Variants in DLG2 observed in about 807,000 individuals in gnomAD.
The protein encoded by DLG2 is disks large homolog 2.
DLG2 carries 45 observed loss-of-function variants against 132.5 expected under a neutral mutation model. That is an observed-to-expected ratio of 0.34 (90% CI 0.27 to 0.44). DLG2 has a LOEUF of 0.44. Ranked by LOEUF, DLG2 falls within the 20% of genes least tolerant of loss-of-function variation. The pLI is 1.00. For synonymous variants in DLG2, 424 were observed against 419.6 expected, an observed-to-expected ratio of 1.01 and a Z score of -0.13; for missense variants, 1,045 against 1,196.9, an observed-to-expected ratio of 0.87 and a Z score of 1.87.
intron 6 of DLG2, among the ~76,000 whole-genome samples, chr11:84,653,079 G>A (rs61899029): frequency 0.15 from 23,366 of 151,816 alleles, 2,334 homozygotes; most frequent in African/African-American, 0.28. Context: ...ACAGGCATGC[G>A]TCATCACGCC....
At chr11:84,358,741 T>TACC (rs2098632673) in intron 7 of DLG2, among the ~76,000 whole-genome samples, 1 of 151,978 alleles carries the variant, frequency 6.6e-6, no homozygotes, top group African/African-American at 2.4e-5. Flanking sequence ...CTGAATGACT[T>TACC]ATGTGTAATA....
intron 6 of DLG2, among the ~76,000 whole-genome samples, chr11:84,891,601 A>C (rs2089405247): frequency 6.6e-6 from 1 of 152,172 alleles, no homozygotes; most frequent in African/African-American, 2.4e-5. Flanking sequence ...AAAATAACAA[A>C]CCTTAAAAAT....
chr11:84,409,508 T>C (rs1418194587), intron 7 of DLG2, among the ~76,000 whole-genome samples: 2 of 152,198 alleles, frequency 1.3e-5, no homozygotes, highest in African/African-American at 4.8e-5. Context: ...ACATACAACA[T>C]GTTGCACACA....
rs990335068 is a variant in DLG2 at position 84,802,213 on chromosome 11, T to A, written c.358-267482A>T. 4.6e-5 allele frequency among the ~76,000 whole-genome samples: 7 copies of A among 151,942 alleles called. No homozygotes were observed. In the South Asian group the frequency reaches 8.3e-4, roughly 18 times the overall value. Reference sequence around the variant, plus strand: ...AATTGTGCAATTTAACTGCATAATCTCTCTGTGTCCATAGGGTCCTCAAAG... The same window carrying A: ...AATTGTGCAATTTAACTGCATAATCACTCTGTGTCCATAGGGTCCTCAAAG... On this transcript the variant is annotated intron_variant, in intron 6 of 27. Transcript: ENST00000376104.
chr11:84,488,197 G>T (rs574224302), intron 7 of DLG2, among the ~76,000 whole-genome samples: 19 of 152,200 alleles, frequency 1.2e-4, no homozygotes, highest in Middle Eastern at 3.4e-3. Flanking sequence ...AAAACAACCT[G>T]TTGAAAGTCA....
chr11:85,362,475 T>A (rs1250942366), intron 3 of DLG2, among the ~76,000 whole-genome samples: 1 of 152,174 alleles, frequency 6.6e-6, no homozygotes, highest in African/African-American at 2.4e-5. Context: ...ATCCTGCAGC[T>A]TTACTGTATT....
intron 7 of DLG2, among the ~76,000 whole-genome samples, chr11:84,402,476 G>A (rs1009487153): frequency 1.3e-5 from 2 of 151,862 alleles, no homozygotes; most frequent in South Asian, 2.1e-4. Context: ...TGCTCTTTGT[G>A]GTACAAATCC....
At position 83,908,712 on chromosome 11, in the gene DLG2, G is replaced by A. The variant is rs76057100; in HGVS notation, c.1496+21616C>T. On this transcript the variant is annotated intron_variant, in intron 15 of 27. Transcript: ENST00000376104. Reference sequence around the variant, plus strand: ...CACATGACTGTTAGAGTAGGCCACTGGCCAAAGGAAGGGACTCAATATGCA... The same window carrying A: ...CACATGACTGTTAGAGTAGGCCACTAGCCAAAGGAAGGGACTCAATATGCA... 5.7e-3 allele frequency among the ~76,000 whole-genome samples: 871 copies of A among 152,036 alleles called. 7 individuals are homozygous for A. Among genetic ancestry groups the A allele is most frequent in the African/African-American group, 0.02 (825 of 41,492 alleles).
At chr11:83,650,060 C>T (rs972178398) in intron 18 of DLG2, among the ~76,000 whole-genome samples, 1 of 152,190 alleles carries the variant, frequency 6.6e-6, no homozygotes, top group Non-Finnish European at 1.5e-5. Flanking sequence ...TAAATTAGCA[C>T]AGACATTCTA....
intron 6 of DLG2, among the ~76,000 whole-genome samples, chr11:84,889,053 A>G (rs1318671992): frequency 6.6e-6 from 1 of 152,188 alleles, no homozygotes; most frequent in East Asian, 1.9e-4. Context: ...AGGCCTCAAT[A>G]ATCTCAATTC....
At chr11:83,860,536 T>C (rs2061290829) in intron 16 of DLG2, among the ~76,000 whole-genome samples, 1 of 152,220 alleles carries the variant, frequency 6.6e-6, no homozygotes, top group African/African-American at 2.4e-5. Context: ...CCAAAGCCAG[T>C]ACCCCCACTG....
At chr11:83,849,339 TAAAC>T (rs928306719) in intron 16 of DLG2, among the ~76,000 whole-genome samples, 9 of 148,524 alleles carry the variant, frequency 6.1e-5, no homozygotes, top group Admixed American at 2.0e-4. Context: ...TAATAAATAA[TAAAC>T]AAATAAAAAA....
chr11:83,651,395 G>T (rs1591732544), intron 18 of DLG2, among the ~76,000 whole-genome samples: 1 of 152,184 alleles, frequency 6.6e-6, no homozygotes, highest in Admixed American at 6.5e-5. Context: ...GTACAAAGTA[G>T]GGGTCTAGCT....
chr11:84,375,296 CAT>C (rs1263360945), intron 7 of DLG2, among the ~76,000 whole-genome samples: 2 of 152,090 alleles, frequency 1.3e-5, no homozygotes, highest in Admixed American at 6.6e-5. Context: ...TGATACAAGA[CAT>C]ATGATTTCTG....
chr11:84,647,177 T>C (rs557721850), intron 6 of DLG2, among the ~76,000 whole-genome samples: 1 of 152,220 alleles, frequency 6.6e-6, no homozygotes, highest in African/African-American at 2.4e-5. Flanking sequence ...AAGAAAAACT[T>C]CATATAGGAG....
chr11:85,197,982 C>A (rs1378775190), intron 4 of DLG2, among the ~76,000 whole-genome samples: 1 of 152,074 alleles, frequency 6.6e-6, no homozygotes, highest in African/African-American at 2.4e-5. Context: ...TATTCTAATG[C>A]CATGTAACAA....
intron 7 of DLG2, among the ~76,000 whole-genome samples, chr11:84,490,253 C>T (rs925707511): frequency 9.2e-5 from 14 of 152,024 alleles, no homozygotes; most frequent in African/African-American, 3.1e-4. Context: ...TACTAAAGTG[C>T]CTAAGACATC....
chr11:84,592,933 TAAAAAAAAAAAAA>T (rs61017970), intron 6 of DLG2, among the ~76,000 whole-genome samples: 53 of 18,196 alleles, frequency 2.9e-3, no homozygotes, highest in East Asian at 9.7e-3. Flanking sequence ...CTGTCTCTAC[TAAAAAAAAAAAAA>T]AAAAAAAAAA....
chr11:83,723,767 A>T (rs531592217), intron 18 of DLG2, among the ~76,000 whole-genome samples: 1 of 152,108 alleles, frequency 6.6e-6, no homozygotes, highest in Non-Finnish European at 1.5e-5. Context: ...GAGGTGAGAG[A>T]ATCACTTGAA....
Sources: allele counts gnomAD v4.1 joint callset (sites outside exome capture counted in the v4.1 genomes callset), GRCh38; gene constraint gnomAD v4.1.1; transcripts MANE v1.5; gene names NCBI Gene and HGNC (gene_info 2026-07-23, HGNC 2026-07-21).